Variants in LSMEM1 observed in about 807,000 individuals in gnomAD.
LSMEM1 encodes leucine rich single-pass membrane protein 1, also known as leucine-rich single-pass membrane protein 1.
LSMEM1 carries 10 observed loss-of-function variants against 11.3 expected under a neutral mutation model. The ratio of observed to expected loss-of-function variants is 0.89; its 90% CI spans 0.55 to 1.50. The LOEUF is 1.50. Ranked by LOEUF, LSMEM1 falls within the 40% of genes most tolerant of loss-of-function variation. The probability of loss-of-function intolerance (pLI) is 0.00; values close to 1 mark genes in which losing one functional copy is unlikely to be tolerated. For missense variants in LSMEM1, 151 were observed against 152.9 expected (o/e 0.99, Z 0.06); for synonymous variants, 65 against 59.3 (o/e 1.10, Z -0.44).
At chr7:112,483,728 G>C (rs150350179) in intron 1 of LSMEM1, 1 of 152,152 alleles carries the variant, frequency 6.6e-6, no homozygotes, top group Non-Finnish European at 1.5e-5. Flanking sequence ...CAAAAGGCCC[G>C]ATTCCAGCTC....
At chr7:112,483,503 G>A (rs1449400512) in intron 1 of LSMEM1, 1 of 152,124 alleles carries the variant, frequency 6.6e-6, no homozygotes, top group Admixed American at 6.5e-5. Context: ...GGAGTTTTCA[G>A]TCTATCGGGA....
At chr7:112,483,718 C>T (rs1173835169) in intron 1 of LSMEM1, 1 of 152,124 alleles carries the variant, frequency 6.6e-6, no homozygotes, top group Non-Finnish European at 1.5e-5. Context: ...GAATGCTGAA[C>T]AAAAGGCCCG....
At chr7:112,485,145 A>G (rs1388898120) in intron 2 of LSMEM1, among the ~76,000 whole-genome samples, 1 of 152,158 alleles carries the variant, frequency 6.6e-6, no homozygotes, top group African/African-American at 2.4e-5. Flanking sequence ...CTTGGATCCT[A>G]CACGAGATTT....
At position 112,489,861 on chromosome 7, in the gene LSMEM1, G is replaced by A; in HGVS notation, c.308G>A (p.Gly103Glu). The change falls in exon 4 of 4, where the codon GGA becomes GAA. Residue 103 changes from glycine (G) to glutamate (E), a missense_variant. Physicochemically the swap from Gly to Glu is moderately conservative, Grantham distance 98. Transcript: ENST00000312849. Reference sequence around the variant, plus strand: ...GTGTCAAGAAGACTAACAGCTGAAGGAAAAGACATAGATGATCTTAAGAGA... The same window carrying A: ...GTGTCAAGAAGACTAACAGCTGAAGAAAAAGACATAGATGATCTTAAGAGA... ...DDVSRRLTAE[G>E]KDIDDLKRIN... 2 of 1,613,860 alleles carry A rather than the reference G, an allele frequency of 1.2e-6. No individual in the cohort carries two copies. The highest frequency in any genetic ancestry group is 1.6e-4 in the Middle Eastern group (1 of 6,062).
At position 112,491,002 on chromosome 7, in the gene LSMEM1, T is replaced by C. The variant is rs1796224894; in HGVS notation, c.*1053T>C. The C allele has an allele frequency of 6.6e-6, 1 of 152,232 alleles. No individual in the cohort carries two copies. Among genetic ancestry groups the C allele is most frequent in the Non-Finnish European group, 1.5e-5 (1 of 68,036 alleles). The allele number at this position is 152,232 out of a possible 1,614,324, so 9.4% of individuals were successfully genotyped here. ...TCAAAAACATTTGGGTTTACTACGA[T>C]ATTAAGCATTCACTTTACAATACTA... On this transcript the variant is annotated 3_prime_UTR_variant, in exon 4 of 4. Coordinates refer to ENST00000312849, the MANE Select transcript of LSMEM1 (RefSeq NM_182597.3).
intron 2 of LSMEM1, 101 bp from the exon 3 acceptor site, chr7:112,486,822 T>C: frequency 6.8e-7 from 1 of 1,472,820 alleles, no homozygotes; most frequent in Non-Finnish European, 9.2e-7. Context: ...AAAGTGGGTG[T>C]GTCCATTACT....
At chr7:112,487,761 C>T (rs1470580524) in intron 3 of LSMEM1, among the ~76,000 whole-genome samples, 1 of 152,214 alleles carries the variant, frequency 6.6e-6, no homozygotes, top group Admixed American at 6.5e-5. Context: ...GCTGTCTTCC[C>T]GTTCTGAGCG....
intron 3 of LSMEM1, among the ~76,000 whole-genome samples, chr7:112,488,379 C>T (rs1023368058): frequency 3.3e-5 from 5 of 152,106 alleles, no homozygotes; most frequent in African/African-American, 1.2e-4. Context: ...GGGGTAATGA[C>T]GGAGTTAAAC....
rs748823279 is a variant in LSMEM1, at chr7:112,484,872, T to G, written c.56T>G (p.Leu19Arg). 3.1e-6 allele frequency: 5 copies of G among 1,613,934 alleles called. No individual in the cohort carries two copies. The highest frequency in any genetic ancestry group is 4.2e-6 in the Non-Finnish European group (5 of 1,179,842). The change falls in exon 2 of 4, where the codon CTT becomes CGT. Residue 19 changes from leucine to arginine, a missense_variant. Transcript: ENST00000312849. The stretch of plus-strand genomic sequence containing the variant: ...TGTGGCATTCAGGAAGATGGAAAGC[T>G]TTATGTGGTGGATTCCATAAATGAC... ...GSCGIQEDGK[L>R]YVVDSINDLN...
chr7:112,488,503 G>A (rs1363551481), intron 3 of LSMEM1, among the ~76,000 whole-genome samples: 1 of 151,992 alleles, frequency 6.6e-6, no homozygotes, highest in Non-Finnish European at 1.5e-5. Flanking sequence ...GCTATATATT[G>A]AGTCATTACT....
intron 2 of LSMEM1, among the ~76,000 whole-genome samples, chr7:112,485,541 C>T (rs887528711): frequency 2.0e-5 from 3 of 152,176 alleles, no homozygotes; most frequent in Non-Finnish European, 2.9e-5. Context: ...GTTAATTGCT[C>T]ACTTGCCATT....
chr7:112,485,439 G>A (rs984212335), intron 2 of LSMEM1, among the ~76,000 whole-genome samples: 2 of 152,182 alleles, frequency 1.3e-5, no homozygotes, highest in Admixed American at 6.5e-5. Context: ...TACTAAGTGT[G>A]TATCTTGCCT....
chr7:112,488,272 G>A (rs1796175292), intron 3 of LSMEM1, among the ~76,000 whole-genome samples: 1 of 152,150 alleles, frequency 6.6e-6, no homozygotes, highest in East Asian at 1.9e-4. Context: ...CTTGGCTACT[G>A]AACCAGCAAT....
Position 112,489,936 on chromosome 7 carries a change from C to G in LSMEM1, c.383C>G (p.Ser128Cys), listed in dbSNP as rs34665489. 6.2e-7 allele frequency: 1 copy of G among 1,612,344 alleles called. No individual in the cohort carries two copies. The highest frequency in any genetic ancestry group is 1.7e-5 in the Admixed American group (1 of 59,558). The part of the protein sequence containing the change: ...KRLNQLNQLD[S>C]EQN ...CTCAACCAACTCAACCAACTGGACTCTGAACAAAACTAAAGGAATGATTTT... is the reference window on the plus strand; with the variant it reads ...CTCAACCAACTCAACCAACTGGACTGTGAACAAAACTAAAGGAATGATTTT... Residue 128 changes from serine to cysteine, a missense_variant, in exon 4 of 4, where the codon TCT becomes TGT. Transcript: ENST00000312849.
intron 3 of LSMEM1, among the ~76,000 whole-genome samples, chr7:112,489,426 T>G (rs3095032): frequency 0.015 from 2,212 of 152,330 alleles, 52 homozygotes; most frequent in African/African-American, 0.051. Context: ...ACCCAAAGAA[T>G]GTAATTTCTC....
intron 3 of LSMEM1, 113 bp downstream of exon 3, chr7:112,487,164 G>A: frequency 9.1e-7 from 1 of 1,096,266 alleles, no homozygotes; most frequent in East Asian, 2.4e-5. Context: ...GGTCATCAAT[G>A]CTTACATTGA....
chr7:112,490,110 T>A lies in LSMEM1; in HGVS notation c.*161T>A. ...ACTTTCTGCAGCAAGATGGGAGCAATTCCAAGGCAAGTGGGTATGGGAATA... is the reference window on the plus strand; with the variant it reads ...ACTTTCTGCAGCAAGATGGGAGCAAATCCAAGGCAAGTGGGTATGGGAATA... On this transcript the variant is annotated 3_prime_UTR_variant, in exon 4 of 4. Coordinates refer to ENST00000312849, the MANE Select transcript of LSMEM1 (RefSeq NM_182597.3). 1 of 726,812 alleles carries A rather than the reference T, an allele frequency of 1.4e-6. No homozygotes were observed. Among genetic ancestry groups the A allele is most frequent in the Non-Finnish European group, 2.2e-6 (1 of 451,144 alleles). 45.0% of individuals were successfully genotyped at this position (726,812 alleles called of 1,614,324 possible). A position where few individuals can be genotyped will look rare whatever the true frequency, so the allele number is the denominator to read the frequency against.
intron 1 of LSMEM1, 138 bp from the exon 2 acceptor site, chr7:112,484,674 T>G: frequency 1.2e-6 from 1 of 823,696 alleles, no homozygotes; most frequent in Non-Finnish European, 1.9e-6. Flanking sequence ...ATAAGCCAAG[T>G]TCTCTAGAGC....
chr7:112,486,081 G>T (rs2117368410), intron 2 of LSMEM1: 1 of 161,408 alleles, frequency 6.2e-6, no homozygotes, highest in Middle Eastern at 3.2e-3. Flanking sequence ...TATCCATCCA[G>T]AAGACAGCTT....
Sources: gnomAD v4.1 joint callset for allele counts (sites outside exome capture counted in the v4.1 genomes callset) on GRCh38, gnomAD v4.1.1 for gene constraint, MANE v1.5 for transcripts, NCBI Gene and HGNC (gene_info 2026-07-23, HGNC 2026-07-21) for gene names.